Variants in TENM4 observed in about 807,000 individuals in gnomAD.
TENM4 encodes teneurin-4.
In TENM4, 82 loss-of-function variants were observed where a neutral mutation model predicts 243.3. That is an observed-to-expected ratio of 0.34 (90% CI 0.28 to 0.40). TENM4 has a LOEUF of 0.40. Ranked by LOEUF, TENM4 falls within the 10% of genes least tolerant of loss-of-function variation. The pLI, the probability that TENM4 is intolerant of heterozygous loss-of-function variation, is 1.00. For synonymous variants in TENM4, 1,412 were observed against 1,456.3 expected (o/e 0.97, Z 0.69); for missense variants, 3,138 against 3,673.3 (o/e 0.85, Z 3.77).
intron 2 of TENM4, among the ~76,000 whole-genome samples, chr11:79,216,709 C>T (rs542430156): frequency 6.6e-6 from 1 of 152,190 alleles, no homozygotes; most frequent in African/African-American, 2.4e-5. Flanking sequence ...CCGCCTTTTC[C>T]CCTGGGATGA....
intron 14 of TENM4, 29 bp downstream of exon 14, chr11:78,812,093 G>T (rs192071526): frequency 6.5e-7 from 1 of 1,542,670 alleles, no homozygotes. Flanking sequence ...TCAGAGGAAG[G>T]TGCCGGAGCT....
At chr11:79,276,294 C>G (rs1327129736) in intron 2 of TENM4, among the ~76,000 whole-genome samples, 1 of 152,250 alleles carries the variant, frequency 6.6e-6, no homozygotes. Flanking sequence ...GACCTCAGAG[C>G]CAGCTCACAC....
chr11:78,806,084 G>A (rs1857381899), intron 14 of TENM4, among the ~76,000 whole-genome samples: 1 of 152,018 alleles, frequency 6.6e-6, no homozygotes, highest in South Asian at 2.1e-4. Context: ...GAGGCCAGGG[G>A]TTTGAGACCA....
At chr11:79,098,776 C>T (rs1861149878) in intron 4 of TENM4, among the ~76,000 whole-genome samples, 1 of 152,222 alleles carries the variant, frequency 6.6e-6, no homozygotes, top group African/African-American at 2.4e-5. Flanking sequence ...TCATAGCCAT[C>T]AACGACATCA....
chr11:79,330,358 C>T (rs574908369), intron 1 of TENM4, among the ~76,000 whole-genome samples: 1 of 152,288 alleles, frequency 6.6e-6, no homozygotes, highest in South Asian at 2.1e-4. Context: ...AAGCCACTTC[C>T]TGAATCGCTG....
chr11:79,204,759 A>G (rs931707174), intron 3 of TENM4, among the ~76,000 whole-genome samples: 2 of 152,162 alleles, frequency 1.3e-5, no homozygotes, highest in Non-Finnish European at 2.9e-5. Flanking sequence ...GGAGAGTCTT[A>G]CACATGTGCA....
intron 6 of TENM4, among the ~76,000 whole-genome samples, chr11:78,916,352 A>T (rs1856316422): frequency 6.6e-6 from 1 of 152,200 alleles, no homozygotes; most frequent in Admixed American, 6.5e-5. Context: ...ATTCACTCTC[A>T]TAGCTCCTTG....
intron 2 of TENM4, among the ~76,000 whole-genome samples, chr11:79,289,198 G>C (rs1292170672): frequency 2.0e-5 from 3 of 152,180 alleles, no homozygotes; most frequent in Non-Finnish European, 4.4e-5. Context: ...TTTATCCAAA[G>C]TATTGTGTTT....
intron 2 of TENM4, among the ~76,000 whole-genome samples, chr11:79,237,223 C>A (rs1403938018): frequency 6.6e-6 from 1 of 152,126 alleles, no homozygotes; most frequent in African/African-American, 2.4e-5. Flanking sequence ...CCCAAACATA[C>A]ATTGCGCCTT....
At chr11:79,253,654 C>T (rs889333126) in intron 2 of TENM4, among the ~76,000 whole-genome samples, 1 of 152,124 alleles carries the variant, frequency 6.6e-6, no homozygotes, top group African/African-American at 2.4e-5. Context: ...AATAATTAAT[C>T]GCCCTGTTTT....
chr11:79,023,674 A>T (rs972181810), intron 6 of TENM4, among the ~76,000 whole-genome samples: 2 of 152,218 alleles, frequency 1.3e-5, no homozygotes, highest in Non-Finnish European at 2.9e-5. Flanking sequence ...CTGTTAATTA[A>T]TGTGGCAGTA....
intron 3 of TENM4, among the ~76,000 whole-genome samples, chr11:79,209,316 C>A (rs1036886683): frequency 6.6e-6 from 1 of 152,196 alleles, no homozygotes; most frequent in Admixed American, 6.5e-5. Context: ...TGGGAAAGGG[C>A]AGAATTCCAC....
chr11:79,049,945 TG>T (rs1240089899), intron 6 of TENM4, among the ~76,000 whole-genome samples: 2 of 152,250 alleles, frequency 1.3e-5, no homozygotes, highest in Non-Finnish European at 2.9e-5. Flanking sequence ...TTTGCTGATT[TG>T]CTTTTTTTTC....
chr11:78,738,789 G>A (rs1855856606), intron 19 of TENM4, among the ~76,000 whole-genome samples: 1 of 152,152 alleles, frequency 6.6e-6, no homozygotes, highest in African/African-American at 2.4e-5. Context: ...CTATTGGCAG[G>A]TGATTCAATG....
At chr11:79,154,011 GT>G (rs1389187855) in intron 3 of TENM4, among the ~76,000 whole-genome samples, 9 of 152,112 alleles carry the variant, frequency 5.9e-5, no homozygotes, top group African/African-American at 9.7e-5. Context: ...GGTGTGAAAA[GT>G]TTTAAAAACA....
chr11:78,854,231 C>T lies in TENM4; in HGVS notation c.1554G>A (p.Arg518=), dbSNP rs1334267034. ...RSLEGTPRQS[R]GTVPPSSHET... The stretch of plus-strand genomic sequence containing the variant: ...CATGGCTGGAGGGGGGCACAGTTCC[C>T]CGAGACTGGCGCGGGGTCCCCTCTA... The change falls in exon 12 of 34, where the codon CGG becomes CGA. Residue 518 remains arginine, a synonymous_variant. Transcript: ENST00000278550. 1 of 1,551,372 alleles carries T rather than the reference C, an allele frequency of 6.4e-7. No individual in the cohort carries two copies. The highest frequency in any genetic ancestry group is 2.0e-5 in the Admixed American group (1 of 50,976).
intron 27 of TENM4, among the ~76,000 whole-genome samples, chr11:78,706,527 A>G (rs1011239607): frequency 6.6e-6 from 1 of 152,220 alleles, no homozygotes; most frequent in Admixed American, 6.5e-5. Context: ...TCTGTAAAAT[A>G]GATGCCAGTA....
At chr11:79,328,243 A>C (rs886510350) in intron 1 of TENM4, among the ~76,000 whole-genome samples, 1 of 152,194 alleles carries the variant, frequency 6.6e-6, no homozygotes, top group Non-Finnish European at 1.5e-5. Context: ...TCAACTAATG[A>C]GGATGCTATG....
intron 17 of TENM4, among the ~76,000 whole-genome samples, chr11:78,772,238 C>T (rs1448733367): frequency 1.3e-5 from 2 of 152,104 alleles, no homozygotes; most frequent in African/African-American, 4.8e-5. Flanking sequence ...ATCTTTAAAC[C>T]TCTCCGAGTT....
Sources: gnomAD v4.1 joint callset for allele counts (sites outside exome capture counted in the v4.1 genomes callset) on GRCh38, gnomAD v4.1.1 for gene constraint, MANE v1.5 for transcripts, NCBI Gene and HGNC (gene_info 2026-07-23, HGNC 2026-07-21) for gene names.